TRIM8: variants seen among roughly 807,000 people sequenced by gnomAD.
TRIM8 encodes the protein tripartite motif containing 8.
Under a neutral mutation model 55.7 loss-of-function variants are expected in TRIM8, and 9 were observed. The ratio of observed to expected loss-of-function variants is 0.16; its 90% CI spans 0.10 to 0.28. The LOEUF is 0.28. TRIM8 is among the 10% of genes least tolerant of loss of function. The pLI is 1.00. For missense variants in TRIM8, 556 were observed against 736.4 expected (o/e 0.76, Z 2.83); for synonymous variants, 335 against 333.3 (o/e 1.01, Z -0.06).
chr10:102,657,063 C>T lies in TRIM8; in HGVS notation c.1365C>T (p.Pro455=), dbSNP rs1251396296. Residue 455 remains proline (P), a synonymous_variant, in exon 6 of 6, where the codon CCC becomes CCT. Transcript: ENST00000643721. ...QYPNGSAAQQ[P]MLPQYGGRKI... is the part of the protein sequence containing the mutation. ...CCAATGGCTCCGCCGCCCAGCAGCC[C>T]ATGCTCCCCCAGTATGGCGGCCGCA... The T allele has an allele frequency of 1.2e-6, 2 of 1,613,476 alleles. No individual in the cohort carries two copies. The highest frequency in any genetic ancestry group is 3.3e-5 in the Admixed American group (2 of 60,026).
Position 102,657,001 on chromosome 10 carries a change from G to A in TRIM8, c.1303G>A (p.Val435Met), listed in dbSNP as rs753344276. ...GGCCCTGCCGGGCGGCGCCCAACCA[G>A]TGCACTCAAGCCCCGTGTTCCCCCC... ...LVALPGGAQP[V>M]HSSPVFPPSQ... Residue 435 changes from valine (V) to methionine (M), a missense_variant, in exon 6 of 6, where the codon GTG (valine) becomes ATG (methionine). Around this residue, in one of 2 missense-constraint regions of TRIM8, gnomAD observed 391 missense variants for 441.0 expected, o/e 0.89. Coordinates refer to ENST00000643721, the MANE Select transcript of TRIM8 (RefSeq NM_030912.3). 5 of 1,612,482 alleles carry A rather than the reference G, an allele frequency of 3.1e-6. No homozygotes were observed. Among genetic ancestry groups the A allele is most frequent in the Non-Finnish European group, 3.4e-6 (4 of 1,179,860 alleles).
chr10:102,649,850 G>C (rs1488942849), intron 1 of TRIM8, among the ~76,000 whole-genome samples: 2 of 152,196 alleles, frequency 1.3e-5, no homozygotes, highest in African/African-American at 4.8e-5. Context: ...GCTTTTCTGA[G>C]GAAAGGGGAG....
intron 1 of TRIM8, among the ~76,000 whole-genome samples, chr10:102,651,245 G>C (rs1004659711): frequency 2.6e-5 from 4 of 152,252 alleles, no homozygotes; most frequent in Non-Finnish European, 5.9e-5. Flanking sequence ...GCCTGGGACA[G>C]ACAGAAGCTT....
chr10:102,645,281 G>A (rs1477277693), intron 1 of TRIM8, 94 bp downstream of exon 1: 1 of 1,324,486 alleles, frequency 7.6e-7, no homozygotes, highest in Non-Finnish European at 9.9e-7. Flanking sequence ...CCGACAGGCT[G>A]ACTCTTGTGA....
chr10:102,644,517 G>C lies in TRIM8; in HGVS notation c.-101G>C. The C allele has an allele frequency of 8.6e-7, 1 of 1,164,814 alleles. No homozygotes were observed. Among genetic ancestry groups the C allele is most frequent in the Non-Finnish European group, 1.2e-6 (1 of 857,366 alleles). The allele number at this position is 1,164,814 out of a possible 1,614,324, so 72.2% of individuals were successfully genotyped here. On this transcript the variant is annotated 5_prime_UTR_variant, in exon 1 of 6. Coordinates refer to ENST00000643721, the MANE Select transcript of TRIM8 (RefSeq NM_030912.3). The stretch of plus-strand genomic sequence containing the variant: ...ACTGAGCGACCGTCGGGGCCGGCTG[G>C]GGCCGGAGCTCGGGGCTCGGTGGGC...
Position 102,656,376 on chromosome 10 carries a change from A to G in TRIM8, c.1039A>G (p.Met347Val), listed in dbSNP as rs767955241. 1.1e-5 allele frequency: 18 copies of G among 1,612,732 alleles called. No homozygotes were observed. Among genetic ancestry groups the G allele is most frequent in the Non-Finnish European group, 1.5e-5 (18 of 1,179,372 alleles). ...CAAGAAGGAGAAGCAGCTGCGGAAA[A>G]TGCTAGAAGGTGAGGGTGGGGTGTT... Reference protein sequence around the residue: ...VAKKEKQLRKMLEGPFSTPVP... With the variant: ...VAKKEKQLRKVLEGPFSTPVP... The change falls in exon 5 of 6, where the codon ATG (methionine) becomes GTG (valine). Residue 347 changes from methionine (M) to valine (V), a missense_variant. Transcript: ENST00000643721. The surrounding 1 kb of genome is among the most constrained non-coding windows in gnomAD (Gnocchi z 4.6).
intron 1 of TRIM8, chr10:102,654,076 C>G (rs1262937393): frequency 6.5e-6 from 1 of 152,850 alleles, no homozygotes; most frequent in Non-Finnish European, 1.5e-5. Flanking sequence ...TTAGATAAAT[C>G]TGTACAGGAA....
rs2064038002 is a variant in TRIM8 at position 102,657,536 on chromosome 10, A to G, written c.*182A>G. ...GCTTTGTTTTTGATTTTTTTTTATT[A>G]TGAATCTCCTGGACGCAGAGGTGAC... On this transcript the variant is annotated 3_prime_UTR_variant, in exon 6 of 6. Coordinates refer to ENST00000643721, the MANE Select transcript of TRIM8 (RefSeq NM_030912.3). 1.3e-6 allele frequency: 1 copy of G among 770,754 alleles called. No individual in the cohort carries two copies. The highest frequency in any genetic ancestry group is 2.2e-5 in the South Asian group (1 of 45,806). The allele number at this position is 770,754 out of a possible 1,614,324, so 47.7% of individuals were successfully genotyped here. A position where few individuals can be genotyped will look rare whatever the true frequency, so the allele number is the denominator to read the frequency against.
At position 102,656,972 on chromosome 10, in the gene TRIM8, T is replaced by C. The variant is rs1471136967; in HGVS notation, c.1274T>C (p.Leu425Ser). ...GGGCCCTGCAGCTCCACGCAGCACTTGGTGGCCCTGCCGGGCGGCGCCCAA... is the reference window on the plus strand; with the variant it reads ...GGGCCCTGCAGCTCCACGCAGCACTCGGTGGCCCTGCCGGGCGGCGCCCAA... ...PLGPCSSTQH[L>S]VALPGGAQPV... The change falls in exon 6 of 6, where the codon TTG (leucine) becomes TCG (serine). Residue 425 changes from leucine (L) to serine (S), a missense_variant. Coordinates refer to ENST00000643721, the MANE Select transcript of TRIM8 (RefSeq NM_030912.3). This position sits in a 1 kb window ranked among gnomAD's most constrained non-coding sequence, Gnocchi z 4.6. 1.2e-6 allele frequency: 2 copies of C among 1,612,612 alleles called. No homozygotes were observed. The highest frequency in any genetic ancestry group is 1.7e-6 in the Non-Finnish European group (2 of 1,179,642).
At chr10:102,647,148 C>G (rs976123753) in intron 1 of TRIM8, among the ~76,000 whole-genome samples, 1 of 152,190 alleles carries the variant, frequency 6.6e-6, no homozygotes, top group Non-Finnish European at 1.5e-5. Flanking sequence ...GGGGTGCCCC[C>G]CAGCAGGCCC....
chr10:102,657,343 G>T lies in TRIM8; in HGVS notation c.1645G>T (p.Val549Leu), dbSNP rs371789796. The T allele has an allele frequency of 5.1e-6, 8 of 1,577,046 alleles. No homozygotes were observed. Among genetic ancestry groups the T allele is most frequent in the Non-Finnish European group, 6.9e-6 (8 of 1,157,876 alleles). The change falls in exon 6 of 6, where the codon GTG becomes TTG. Residue 549 changes from valine to leucine, a missense_variant. By Grantham distance (32) the Val-to-Leu change is conservative. Coordinates refer to ENST00000643721, the MANE Select transcript of TRIM8 (RefSeq NM_030912.3). ...VYGQPSTKHY[V>L]TS is the part of the protein sequence containing the mutation. ...TGGGCAGCCGTCCACCAAACACTAC[G>T]TGACGAGCTAACGCCACGCAGGCGG...
Position 102,657,563 on chromosome 10 carries a change from G to A in TRIM8, c.*209G>A. On this transcript the variant is annotated 3_prime_UTR_variant, in exon 6 of 6. Coordinates refer to ENST00000643721, the MANE Select transcript of TRIM8 (RefSeq NM_030912.3). ...GAATCTCCTGGACGCAGAGGTGACA[G>A]TGGGAGCTGGCCTGGGCCAGGACGG... The A allele has an allele frequency of 3.2e-6, 2 of 624,680 alleles. No homozygotes were observed. The highest frequency in any genetic ancestry group is 5.1e-6 in the Non-Finnish European group (2 of 388,948). 38.7% of individuals were successfully genotyped at this position (624,680 alleles called of 1,614,324 possible).
Position 102,656,072 on chromosome 10 carries a change from T to C in TRIM8, c.901-34T>C. 2 of 1,614,084 alleles carry C rather than the reference T, an allele frequency of 1.2e-6. No individual in the cohort carries two copies. Among genetic ancestry groups the C allele is most frequent in the Non-Finnish European group, 1.7e-6 (2 of 1,179,978 alleles). ...CCCCGGGCTCTCCCTGGACTGCCTT[T>C]TCCACTGACTTGACTCTTTTCTCTC... is the stretch of plus-strand genomic sequence containing the variant. On this transcript the variant is annotated intron_variant, in intron 3 of 5. Transcript: ENST00000643721. This position sits in a 1 kb window ranked among gnomAD's most constrained non-coding sequence, Gnocchi z 4.6.
intron 1 of TRIM8, among the ~76,000 whole-genome samples, chr10:102,646,364 G>GA (rs1436473125): frequency 6.6e-6 from 1 of 152,212 alleles, no homozygotes; most frequent in African/African-American, 2.4e-5. Flanking sequence ...TCTGGGTGGG[G>GA]ATCCCTGGAG....
intron 1 of TRIM8, among the ~76,000 whole-genome samples, chr10:102,649,717 C>G (rs1590105874): frequency 1.3e-5 from 2 of 152,230 alleles, no homozygotes; most frequent in African/African-American, 4.8e-5. Context: ...TCTCCTTGCC[C>G]TGGCGCCTGC....
In TRIM8 at chr10:102,644,748, CCAAGGA is replaced by C; in HGVS notation, c.134_139del (p.Lys45_Asp46del). ...CGGGGCTGCATCGGCGAGGCGTGGGCCAAGGACAGCGGCCTCGTACGCTGCCCAGAG... is the reference window on the plus strand; with the variant it reads ...CGGGGCTGCATCGGCGAGGCGTGGGCCAGCGGCCTCGTACGCTGCCCAGAG... On this transcript the variant is annotated inframe_deletion, in exon 1 of 6. Transcript: ENST00000643721. 2 of 1,613,232 alleles carry C rather than the reference CCAAGGA, an allele frequency of 1.2e-6. No individual in the cohort carries two copies. Among genetic ancestry groups the C allele is most frequent in the Non-Finnish European group, 1.7e-6 (2 of 1,179,844 alleles).
In TRIM8 at chr10:102,644,703, C is replaced by T; in HGVS notation, c.86C>T (p.Pro29Leu). The change falls in exon 1 of 6, where the codon CCG becomes CTG. Residue 29 changes from proline (P) to leucine (L), a missense_variant. By Grantham distance (98) the Pro-to-Leu change is moderately conservative (BLOSUM62 -3). This residue lies in a region of TRIM8 where 165 missense variants were observed against 295.3 expected (regional missense o/e 0.56). Coordinates refer to ENST00000643721, the MANE Select transcript of TRIM8 (RefSeq NM_030912.3). ...LHVFVEPVQL[P>L]CKHNFCRGCI... ...GTTTTCGTGGAGCCAGTGCAGCTGC[C>T]GTGCAAACACAACTTCTGCCGGGGC... is the stretch of plus-strand genomic sequence containing the variant. 3 of 1,613,588 alleles carry T rather than the reference C, an allele frequency of 1.9e-6. No individual in the cohort carries two copies. The highest frequency in any genetic ancestry group is 1.1e-5 in the South Asian group (1 of 91,078).
chr10:102,652,428 C>G (rs2063992744), intron 1 of TRIM8, among the ~76,000 whole-genome samples: 1 of 152,184 alleles, frequency 6.6e-6, no homozygotes, highest in African/African-American at 2.4e-5. Flanking sequence ...AGAAAGAGAA[C>G]CACTCCTTGC....
Position 102,657,510 on chromosome 10 carries a change from G to T in TRIM8, c.*156G>T. 9.6e-7 allele frequency: 1 copy of T among 1,042,322 alleles called. No individual in the cohort carries two copies. The allele number at this position is 1,042,322 out of a possible 1,614,324, so 64.6% of individuals were successfully genotyped here. A position where few individuals can be genotyped will look rare whatever the true frequency, so the allele number is the denominator to read the frequency against. On this transcript the variant is annotated 3_prime_UTR_variant, in exon 6 of 6. Coordinates refer to ENST00000643721, the MANE Select transcript of TRIM8 (RefSeq NM_030912.3). ...TCCTTTTGGATTTTGTTTTGGTTTTGGCTTTGTTTTTGATTTTTTTTTATT... is the reference window on the plus strand; with the variant it reads ...TCCTTTTGGATTTTGTTTTGGTTTTTGCTTTGTTTTTGATTTTTTTTTATT...
Sources: allele counts gnomAD v4.1 joint callset (sites outside exome capture counted in the v4.1 genomes callset), GRCh38; gene constraint gnomAD v4.1.1; regional missense constraint gnomAD v4.1.1; non-coding constraint Gnocchi (gnomAD v3.1); transcripts MANE v1.5; gene names NCBI Gene and HGNC (gene_info 2026-07-23, HGNC 2026-07-21).